The following LRRTM4 variants were observed in gnomAD, a reference collection of about 807,000 sequenced individuals.
The protein encoded by LRRTM4 is leucine rich repeat transmembrane neuronal 4.
A neutral mutation model predicts 47.6 loss-of-function variants in LRRTM4; 25 were observed. The observed-to-expected ratio is 0.53, with a 90% confidence interval of 0.38 to 0.73. The LOEUF is 0.73. Ranked by LOEUF, LRRTM4 falls within the 30% of genes least tolerant of loss-of-function variation. LRRTM4 has a pLI of 0.00. For missense variants in LRRTM4, 638 were observed against 713.4 expected (o/e 0.89, Z 1.20); for synonymous variants, 311 against 269.5 (o/e 1.15, Z -1.51).
chr2:76,813,484 T>C (rs1395798572), intron 3 of LRRTM4, among the ~76,000 whole-genome samples: 1 of 152,172 alleles, frequency 6.6e-6, no homozygotes, highest in Non-Finnish European at 1.5e-5. Flanking sequence ...TAAAAATATT[T>C]ATTGCTACTT....
At chr2:77,096,363 C>T (rs991973213) in intron 3 of LRRTM4, among the ~76,000 whole-genome samples, 10 of 151,542 alleles carry the variant, frequency 6.6e-5, no homozygotes, top group Non-Finnish European at 1.3e-4. Context: ...ACAAAAGGAG[C>T]TTACTACTAA....
At chr2:76,865,979 C>T (rs1672454167) in intron 3 of LRRTM4, among the ~76,000 whole-genome samples, 1 of 152,112 alleles carries the variant, frequency 6.6e-6, no homozygotes, top group South Asian at 2.1e-4. Context: ...ACACATGTTA[C>T]TATCAGGGTG....
At chr2:76,852,073 C>T (rs1672014912) in intron 3 of LRRTM4, among the ~76,000 whole-genome samples, 1 of 152,022 alleles carries the variant, frequency 6.6e-6, no homozygotes, top group African/African-American at 2.4e-5. Context: ...GATTTTTGAG[C>T]TCTTACTATT....
chr2:77,385,365 G>T (rs1182446794), intron 3 of LRRTM4, among the ~76,000 whole-genome samples: 1 of 152,116 alleles, frequency 6.6e-6, no homozygotes, highest in East Asian at 1.9e-4. Flanking sequence ...GAAAAGAATA[G>T]TGTTTACTGT....
chr2:77,006,181 C>T (rs1246932672), intron 3 of LRRTM4, among the ~76,000 whole-genome samples: 5 of 152,166 alleles, frequency 3.3e-5, no homozygotes, highest in Admixed American at 6.6e-5. Context: ...AAAGGACATT[C>T]GTTTCTTAAG....
intron 3 of LRRTM4, among the ~76,000 whole-genome samples, chr2:77,271,627 A>G (rs6756115): frequency 0.02 from 3,029 of 152,268 alleles, 54 homozygotes; most frequent in African/African-American, 0.039. Flanking sequence ...AGTCTACACC[A>G]TATCATAGCT....
At chr2:77,383,824 C>G (rs960624607) in intron 3 of LRRTM4, among the ~76,000 whole-genome samples, 3 of 152,036 alleles carry the variant, frequency 2.0e-5, no homozygotes, top group Non-Finnish European at 4.4e-5. Flanking sequence ...GACCTCAAAT[C>G]TACTGAATAA....
At chr2:77,496,937 G>A (rs1388671530) in intron 3 of LRRTM4, among the ~76,000 whole-genome samples, 2 of 151,656 alleles carry the variant, frequency 1.3e-5, no homozygotes, top group South Asian at 4.1e-4. Flanking sequence ...AGATTTTTAT[G>A]TGTGGGTAAG....
intron 3 of LRRTM4, among the ~76,000 whole-genome samples, chr2:77,425,251 T>C (rs1199131088): frequency 6.6e-5 from 10 of 152,230 alleles, no homozygotes; most frequent in Admixed American, 6.5e-4. Context: ...GAACTCTCTG[T>C]ATTCAGTCTC....
chr2:77,002,557 A>G (rs1677473158), intron 3 of LRRTM4, among the ~76,000 whole-genome samples: 1 of 152,102 alleles, frequency 6.6e-6, no homozygotes, highest in African/African-American at 2.4e-5. Context: ...TATTAGCCTC[A>G]AACAATCTAT....
At chr2:77,081,888 T>A (rs1315029265) in intron 3 of LRRTM4, among the ~76,000 whole-genome samples, 1 of 152,116 alleles carries the variant, frequency 6.6e-6, no homozygotes, top group East Asian at 1.9e-4. Context: ...TATTAGAGAA[T>A]CTACCAAGAC....
Position 76,814,645 on chromosome 2 carries a change from G to C in LRRTM4, c.1552-65729C>G, listed in dbSNP as rs564952628. ...TTATTTGAAGTTTATGAGAGGAGGG[G>C]TGTAGGTTATATGTAAATACTACCC... On this transcript the variant is annotated intron_variant, in intron 3 of 3. Coordinates refer to ENST00000409884, the MANE Select transcript of LRRTM4 (RefSeq NM_001134745.3). Among the ~76,000 whole-genome samples the C allele has an allele frequency of 3.3e-5, 5 of 152,120 alleles. No homozygotes were observed. In the South Asian group the frequency reaches 8.3e-4, roughly 25 times the overall value.
At chr2:76,852,928 G>A (rs1339316491) in intron 3 of LRRTM4, among the ~76,000 whole-genome samples, 1 of 152,076 alleles carries the variant, frequency 6.6e-6, no homozygotes, top group African/African-American at 2.4e-5. Context: ...TTCAGACAGG[G>A]AAGAATTGTT....
intron 3 of LRRTM4, among the ~76,000 whole-genome samples, chr2:76,908,281 C>A (rs1234413272): frequency 6.6e-6 from 1 of 152,034 alleles, no homozygotes; most frequent in African/African-American, 2.4e-5. Context: ...AGGCCTTTGA[C>A]AAAATTTAAC....
chr2:77,120,155 T>G (rs1558589863), intron 3 of LRRTM4, among the ~76,000 whole-genome samples: 2 of 151,628 alleles, frequency 1.3e-5, no homozygotes, highest in East Asian at 1.9e-4. Flanking sequence ...TGGAAAATGG[T>G]TTTTTTTGGA....
At chr2:77,433,888 T>C (rs917558750) in intron 3 of LRRTM4, among the ~76,000 whole-genome samples, 3 of 152,178 alleles carry the variant, frequency 2.0e-5, no homozygotes, top group Admixed American at 6.5e-5. Context: ...TGTTTAGGAA[T>C]AGGTCTCTGA....
At chr2:77,495,395 A>C (rs1286381154) in intron 3 of LRRTM4, among the ~76,000 whole-genome samples, 1 of 146,730 alleles carries the variant, frequency 6.8e-6, no homozygotes, top group East Asian at 1.9e-4. Flanking sequence ...CAGAAGTTTT[A>C]ACTTTAAGTC....
intron 3 of LRRTM4, among the ~76,000 whole-genome samples, chr2:77,126,818 G>C (rs1038838433): frequency 2.6e-5 from 4 of 152,202 alleles, no homozygotes; most frequent in African/African-American, 9.6e-5. Flanking sequence ...ATCCCTGCAA[G>C]ATGTGCACAT....
At position 76,974,193 on chromosome 2, in the gene LRRTM4, T is replaced by TATATAC. The variant is rs1558771579; in HGVS notation, c.1552-225278_1552-225277insGTATAT. 4.4e-4 allele frequency among the ~76,000 whole-genome samples: 53 copies of TATATAC among 119,596 alleles called. 1 individual carries two copies. The highest frequency in any genetic ancestry group is 1.9e-3 in the African/African-American group (47 of 24,588). 78.5% of individuals were successfully genotyped at this position (119,596 alleles called of 152,430 possible). On this transcript the variant is annotated intron_variant, in intron 3 of 3. Transcript: ENST00000409884. ...ACATACATATATATACATACATATA[T>TATATAC]ATACATATATATATATACACATATA...
Sources: allele counts gnomAD v4.1 joint callset (sites outside exome capture counted in the v4.1 genomes callset), GRCh38; gene constraint gnomAD v4.1.1; transcripts MANE v1.5; gene names NCBI Gene and HGNC (gene_info 2026-07-23, HGNC 2026-07-21).